The following NPAS1 variants were observed in gnomAD, a reference collection of about 807,000 sequenced individuals.
NPAS1 encodes the protein neuronal PAS domain-containing protein 1.
NPAS1 carries 29 observed loss-of-function variants against 49.2 expected under a neutral mutation model. The observed-to-expected ratio is 0.59, with a 90% CI of 0.44 to 0.80. NPAS1 has a LOEUF of 0.80. Among genes scored for constraint, NPAS1 ranks in the 30% least tolerant of loss-of-function variants. The pLI, the probability that NPAS1 is intolerant of heterozygous loss-of-function variation, is 0.00. For missense variants in NPAS1, 825 were observed against 835.5 expected (o/e 0.99, Z 0.15); for synonymous variants, 408 against 380.4 (o/e 1.07, Z -0.84).
intron 5 of NPAS1, among the ~76,000 whole-genome samples, chr19:47,034,264 A>G (rs1472704043): frequency 6.8e-6 from 1 of 146,162 alleles, no homozygotes; most frequent in Non-Finnish European, 1.5e-5. Context: ...CAGTGAGCCG[A>G]GATCGTGGCA....
At chr19:47,040,950 T>G in intron 9 of NPAS1, 28 bp from the exon 10 acceptor site, 8 of 907,576 alleles carry the variant, frequency 8.8e-6, no homozygotes, top group Non-Finnish European at 9.0e-6. Flanking sequence ...CCCCACCCCC[T>G]TCCCATCTCT....
In NPAS1 at chr19:47,032,732, G is replaced by T; in HGVS notation, c.522G>T (p.Gln174His). The change falls in exon 5 of 12, where the codon CAG becomes CAT. Residue 174 changes from glutamine to histidine, a missense_variant and splice_region_variant. Gln to His is a conservative substitution (Grantham distance 24, BLOSUM62 0). Coordinates refer to ENST00000602212, the MANE Select transcript of NPAS1 (RefSeq NM_002517.4). The stretch of plus-strand genomic sequence containing the variant: ...TCTCCATCTATCTGGGTCTCTCACA[G>T]GTAAGGGACCCCCAGTGGACCTGGA... Reference protein sequence around the residue: ...ETVSIYLGLSQVEMTGSSVFD... With the variant: ...ETVSIYLGLSHVEMTGSSVFD... 1 of 1,610,246 alleles carries T rather than the reference G, an allele frequency of 6.2e-7. No homozygotes were observed. The highest frequency in any genetic ancestry group is 1.1e-5 in the South Asian group (1 of 90,992).
At chr19:47,026,678 G>A (rs190636942) in intron 3 of NPAS1, among the ~76,000 whole-genome samples, 236 of 152,254 alleles carry the variant, frequency 1.6e-3, no homozygotes, top group African/African-American at 5.4e-3. Flanking sequence ...AAGTGCGGCC[G>A]GGGCGGTGGC....
In NPAS1 at chr19:47,037,379, T is replaced by G. The variant is rs571481510; in HGVS notation, c.688+1250T>G. ...AAAAAAAAAAAAAAATTGCATTAGA[T>G]CCTAAGCGCAGGCCCACAATGCAAG... On this transcript the variant is annotated intron_variant, in intron 6 of 11. Coordinates refer to ENST00000602212, the MANE Select transcript of NPAS1 (RefSeq NM_002517.4). Among the ~76,000 whole-genome samples the G allele has an allele frequency of 5.0e-5, 7 of 140,414 alleles. No homozygotes were observed. The South Asian group carries it at 1.4e-3, about 27-fold the overall frequency. 92.1% of individuals were successfully genotyped at this position (140,414 alleles called of 152,430 possible). A position where few individuals can be genotyped will look rare whatever the true frequency, so the allele number is the denominator to read the frequency against.
At chr19:47,032,468 G>A (rs1276911565) in intron 4 of NPAS1, 117 bp downstream of exon 4, 2 of 1,197,618 alleles carry the variant, frequency 1.7e-6, no homozygotes, top group South Asian at 2.6e-5. Flanking sequence ...CTGGGAAGGC[G>A]AATGCTCAAG....
intron 6 of NPAS1, 28 bp downstream of exon 6, chr19:47,036,157 A>C (rs1031852181): frequency 2.6e-6 from 4 of 1,549,566 alleles, no homozygotes; most frequent in Middle Eastern, 3.3e-4. Context: ...TAAAGAATGA[A>C]GTCTGAGGGT....
chr19:47,035,734 T>C, intron 5 of NPAS1: 2 of 495,372 alleles, frequency 4.0e-6, no homozygotes, highest in East Asian at 3.4e-5. Flanking sequence ...CTTAATAGAG[T>C]GGGCGGGGAA....
In NPAS1 at chr19:47,039,396, A is replaced by C. The variant is rs1447087370; in HGVS notation, c.805-11A>C. The C allele has an allele frequency of 3.1e-6, 5 of 1,611,320 alleles. No individual in the cohort carries two copies. In the East Asian group the frequency reaches 1.1e-4, roughly 36 times the overall value. On this transcript the variant is annotated splice_polypyrimidine_tract_variant and intron_variant, in intron 7 of 11. Coordinates refer to ENST00000602212, the MANE Select transcript of NPAS1 (RefSeq NM_002517.4). Reference sequence around the variant, plus strand: ...CCTTGTCCCTCCTCCAACCATGCCCACCACCAGCAGGTCATCCACGTGACT... The same window carrying C: ...CCTTGTCCCTCCTCCAACCATGCCCCCCACCAGCAGGTCATCCACGTGACT...
At chr19:47,027,642 G>GTCTC (rs2056882691) in intron 3 of NPAS1, among the ~76,000 whole-genome samples, 4 of 43,362 alleles carry the variant, frequency 9.2e-5, no homozygotes, top group Non-Finnish European at 9.8e-5. Context: ...CTGGTCTCCC[G>GTCTC]TCTGTCTGCC....
rs2057064384 is a variant in NPAS1, at chr19:47,045,264, C to A, written c.1386C>A (p.Arg462=). The change falls in exon 12 of 12, where the codon CGC becomes CGA. Residue 462 remains arginine, a synonymous_variant. Transcript: ENST00000602212. ...AGGCCCCCCAGACCCAGGGCAAACG[C>A]ATCAAAGTGGAGCCCGGCCCGAGGG... ...ENEAPQTQGK[R]IKVEPGPRET... 1 of 1,613,916 alleles carries A rather than the reference C, an allele frequency of 6.2e-7. No homozygotes were observed. Among genetic ancestry groups the A allele is most frequent in the Admixed American group, 1.7e-5 (1 of 59,996 alleles).
At chr19:47,040,744 G>T (rs934724401) in intron 9 of NPAS1, 194 bp downstream of exon 9, 27 of 596,738 alleles carry the variant, frequency 4.5e-5, no homozygotes, top group Admixed American at 6.1e-5. Context: ...TGTGTGGGGG[G>T]GGGGTCTGGG....
rs147026903 is a variant in NPAS1 at position 47,045,237 on chromosome 19, C to T, written c.1359C>T (p.Asn453=). 7 of 1,613,924 alleles carry T rather than the reference C, an allele frequency of 4.3e-6. No homozygotes were observed. The highest frequency in any genetic ancestry group is 2.2e-5 in the East Asian group (1 of 44,864). ...GGAAGCAGGCTGCCCCAGCGGAGAACGAGGCCCCCCAGACCCAGGGCAAAC... is the reference window on the plus strand; with the variant it reads ...GGAAGCAGGCTGCCCCAGCGGAGAATGAGGCCCCCCAGACCCAGGGCAAAC... The part of the protein sequence containing the change: ...TEGKQAAPAE[N]EAPQTQGKRI... The change falls in exon 12 of 12, where the codon AAC becomes AAT. Residue 453 remains asparagine, a synonymous_variant. Coordinates refer to ENST00000602212, the MANE Select transcript of NPAS1 (RefSeq NM_002517.4).
intron 5 of NPAS1, 76 bp downstream of exon 5, chr19:47,032,808 T>C: frequency 9.3e-7 from 1 of 1,074,400 alleles, no homozygotes; most frequent in Non-Finnish European, 1.4e-6. Flanking sequence ...CCTTCCTCTC[T>C]CCTGGTCTCA....
In NPAS1 at chr19:47,021,526, G is replaced by A. The variant is rs2056840952; in HGVS notation, c.123-86G>A. ...TCCCAACGTCCCGTCCCGTTCCCAAGGCCCCGGGAGGCGGGGCTCGCCCCC... is the reference window on the plus strand; with the variant it reads ...TCCCAACGTCCCGTCCCGTTCCCAAAGCCCCGGGAGGCGGGGCTCGCCCCC... On this transcript the variant is annotated intron_variant, in intron 2 of 11. Coordinates refer to ENST00000602212, the MANE Select transcript of NPAS1 (RefSeq NM_002517.4). The surrounding 1 kb of genome is among the most constrained non-coding windows in gnomAD (Gnocchi z 5.7). 5.5e-6 allele frequency: 5 copies of A among 906,618 alleles called. No homozygotes were observed. The highest frequency in any genetic ancestry group is 7.9e-6 in the Non-Finnish European group (5 of 635,484). 56.2% of individuals were successfully genotyped at this position (906,618 alleles called of 1,614,324 possible).
intron 5 of NPAS1, chr19:47,035,338 C>CA (rs2056943803): frequency 6.6e-6 from 1 of 152,310 alleles, no homozygotes; most frequent in Non-Finnish European, 1.5e-5. Context: ...CAATGGGAGT[C>CA]ATGGCAGCCA....
intron 10 of NPAS1, 65 bp downstream of exon 10, chr19:47,041,190 T>C: frequency 7.0e-7 from 1 of 1,422,202 alleles, no homozygotes; most frequent in African/African-American, 1.5e-5. Context: ...CCACCTCCAG[T>C]GGGGGTGCTT....
At chr19:47,028,233 T>C (rs1264182239) in intron 3 of NPAS1, among the ~76,000 whole-genome samples, 1 of 152,122 alleles carries the variant, frequency 6.6e-6, no homozygotes. Context: ...GGCAGCATTG[T>C]TCCTGCCTGT....
intron 10 of NPAS1, among the ~76,000 whole-genome samples, chr19:47,041,934 C>T (rs1009293899): frequency 2.1e-5 from 3 of 144,342 alleles, no homozygotes; most frequent in Admixed American, 7.2e-5. Context: ...GAGCCGTGAT[C>T]GTGCCACTGC....
At position 47,025,073 on chromosome 19, in the gene NPAS1, G is replaced by A. The variant is rs551414028; in HGVS notation, c.358+3226G>A. On this transcript the variant is annotated intron_variant, in intron 3 of 11. Transcript: ENST00000602212. ...ATCCTCCCAAAGTGCTGGGATTGCA[G>A]GCGTGAGGCGCCGTGCCCGGCTTTT... 2.5e-5 allele frequency among the ~76,000 whole-genome samples: 3 copies of A among 120,996 alleles called. 1 individual carries two copies. The highest frequency in any genetic ancestry group is 1.0e-4 in the Admixed American group (1 of 9,864). The allele number at this position is 120,996 out of a possible 152,430, so 79.4% of individuals were successfully genotyped here.
Sources: gnomAD v4.1 joint callset for allele counts (sites outside exome capture counted in the v4.1 genomes callset) on GRCh38, gnomAD v4.1.1 for gene constraint, Gnocchi (gnomAD v3.1) non-coding constraint, MANE v1.5 for transcripts, NCBI Gene and HGNC (gene_info 2026-07-23, HGNC 2026-07-21) for gene names.